The following BST1 variants were observed in gnomAD, a reference collection of about 807,000 sequenced individuals.
BST1 encodes ADP-ribosyl cyclase/cyclic ADP-ribose hydrolase 2.
BST1 carries 49 observed loss-of-function variants against 40.6 expected under a neutral mutation model. That is an observed-to-expected ratio of 1.21 (90% confidence interval 0.96 to 1.53). The LOEUF (loss-of-function observed/expected upper bound fraction) is 1.53, where lower values mean the gene tolerates loss of function less well. BST1 is among the 40% of genes most tolerant of loss of function. The pLI is 0.00. For synonymous variants in BST1, 157 were observed against 159.3 expected, an observed-to-expected ratio of 0.99 and a Z score of 0.11; for missense variants, 423 against 395.9, an observed-to-expected ratio of 1.07 and a Z score of -0.58.
At chr4:15,769,603 G>A in the BST1 span, among the ~76,000 whole-genome samples, 1 of 152,066 alleles carries the variant, frequency 6.6e-6, no homozygotes, top group Admixed American at 6.6e-5. Flanking sequence ...GTTTGGGAGA[G>A]GACATATGGC....
chr4:15,769,624 C>A, the BST1 span, among the ~76,000 whole-genome samples: 1 of 151,862 alleles, frequency 6.6e-6, no homozygotes, highest in African/African-American at 2.4e-5. Context: ...CTGGAAGGAG[C>A]CACGTATACA....
chr4:15,764,476 T>C, the BST1 span, among the ~76,000 whole-genome samples: 1 of 151,942 alleles, frequency 6.6e-6, no homozygotes, highest in Non-Finnish European at 1.5e-5. Context: ...TCCTAGGAAA[T>C]CAAGTAAACA....
chr4:15,757,634 T>TTTTA, the BST1 span, among the ~76,000 whole-genome samples: 1,254 of 152,102 alleles, frequency 8.2e-3, 12 homozygotes, highest in African/African-American at 0.027. Flanking sequence ...CTTTTAAAAA[T>TTTTA]TTTATTTATT....
At chr4:15,746,768 GCT>G in the BST1 span, among the ~76,000 whole-genome samples, 1 of 152,124 alleles carries the variant, frequency 6.6e-6, no homozygotes, top group Non-Finnish European at 1.5e-5. Flanking sequence ...TACTATAAAG[GCT>G]CTTACTCCAC....
At chr4:15,713,487 T>C (rs977288175) in intron 4 of BST1, among the ~76,000 whole-genome samples, 5 of 152,084 alleles carry the variant, frequency 3.3e-5, no homozygotes, top group Non-Finnish European at 7.4e-5. Flanking sequence ...CCTGGCCAAA[T>C]AGTTTCATCT....
downstream of BST1, chr4:15,736,162 C>T (rs760728714): frequency 7.9e-7 from 1 of 1,269,610 alleles, no homozygotes; most frequent in South Asian, 1.3e-5. Context: ...ATATCATTGC[C>T]TCCTGACTGA....
At chr4:15,767,794 T>A in the BST1 span, among the ~76,000 whole-genome samples, 4 of 151,968 alleles carry the variant, frequency 2.6e-5, no homozygotes, top group Non-Finnish European at 5.9e-5. Context: ...ATTTTTTTTT[T>A]ATTTTTAGTA....
rs1482742894 is a variant in BST1 at position 15,723,682 on chromosome 4, T to A, written c.851+748T>A. ...TATACTTTAAGCTGTTGTGCAAGTA[T>A]TTGTGTAGGATAGATTCCCAGAAAT... On this transcript the variant is annotated intron_variant, in intron 8 of 8. Transcript: ENST00000265016. 4 of 924,328 alleles carry A rather than the reference T, an allele frequency of 4.3e-6. No homozygotes were observed. In the African/African-American group the frequency reaches 7.1e-5, roughly 17 times the overall value. The allele number at this position is 924,328 out of a possible 1,614,324, so 57.3% of individuals were successfully genotyped here.
At chr4:15,739,905 G>A (rs187990561), downstream of BST1, among the ~76,000 whole-genome samples, 336 of 152,110 alleles carry the variant, frequency 2.2e-3, 1 homozygote, top group African/African-American at 7.8e-3. Context: ...GAGAGAAAAG[G>A]AGAGGGAGAC....
Position 15,703,428 on chromosome 4 carries a change from G to A in BST1, c.188+96G>A, listed in dbSNP as rs1021758619. 76 of 1,446,926 alleles carry A rather than the reference G, an allele frequency of 5.3e-5. No individual in the cohort carries two copies. The African/African-American group carries it at 9.9e-4, about 19-fold the overall frequency. 89.6% of individuals were successfully genotyped at this position (1,446,926 alleles called of 1,614,324 possible). On this transcript the variant is annotated intron_variant, in intron 1 of 8. Coordinates refer to ENST00000265016, the MANE Select transcript of BST1 (RefSeq NM_004334.3). ...ACTGGCGCTAAAGTTCGGGGTGAGGGGGCAATGAGAGAGGCCTTGAGGGGA... is the reference window on the plus strand; with the variant it reads ...ACTGGCGCTAAAGTTCGGGGTGAGGAGGCAATGAGAGAGGCCTTGAGGGGA...
chr4:15,754,526 G>C, the BST1 span, among the ~76,000 whole-genome samples: 1 of 152,178 alleles, frequency 6.6e-6, no homozygotes, highest in Non-Finnish European at 1.5e-5. Context: ...TGAGAGGAAG[G>C]ATGTTGCTGT....
rs1719961113 is a variant in BST1, at chr4:15,707,772, G to T, written c.451+126G>T. The T allele has an allele frequency of 4.3e-6, 5 of 1,164,410 alleles. No individual in the cohort carries two copies. In the African/African-American group the frequency reaches 6.3e-5, roughly 15 times the overall value. 72.1% of individuals were successfully genotyped at this position (1,164,410 alleles called of 1,614,324 possible). ...CTCTCCAAGTCCTCTGAGATAAGTGGCAAGAATAGTTAATAATAACAATAC... is the reference window on the plus strand; with the variant it reads ...CTCTCCAAGTCCTCTGAGATAAGTGTCAAGAATAGTTAATAATAACAATAC... On this transcript the variant is annotated intron_variant, in intron 3 of 8. Coordinates refer to ENST00000265016, the MANE Select transcript of BST1 (RefSeq NM_004334.3).
chr4:15,761,369 C>G, the BST1 span, among the ~76,000 whole-genome samples: 1 of 151,876 alleles, frequency 6.6e-6, no homozygotes, highest in Non-Finnish European at 1.5e-5. Flanking sequence ...GCCACCTTCT[C>G]ACTTGGAAAG....
intron 4 of BST1, 123 bp downstream of exon 4, chr4:15,712,012 T>G: frequency 1.3e-6 from 1 of 740,766 alleles, no homozygotes; most frequent in Non-Finnish European, 2.3e-6. Context: ...TTTCCACTTT[T>G]ACCACATCAT....
rs773037252 is a variant in BST1 at position 15,718,992 on chromosome 4, C to T, written c.790C>T (p.Arg264Ter). 1.1e-5 allele frequency: 18 copies of T among 1,612,670 alleles called. No homozygotes were observed. Among genetic ancestry groups the T allele is most frequent in the East Asian group, 4.5e-5 (2 of 44,832 alleles). The change falls in exon 7 of 9, where the codon CGA becomes TGA. Residue 264 changes from arginine (R) to a stop codon, truncating the protein, a stop_gained and splice_region_variant. Coordinates refer to ENST00000265016, the MANE Select transcript of BST1 (RefSeq NM_004334.3). LOFTEE classifies it high-confidence loss of function. ...GFQYSCINDY[R>*]PVKLLQCVDH... ...CCAGTACAGCTGTATTAATGATTAC[C>T]GGTAGGTGGCCTATATATCAATGTG...
At chr4:15,727,517 C>T (rs890050237) in intron 8 of BST1, among the ~76,000 whole-genome samples, 4 of 152,136 alleles carry the variant, frequency 2.6e-5, no homozygotes, top group Admixed American at 6.5e-5. Context: ...AGCAAATATA[C>T]AAAATTATTT....
At chr4:15,722,615 T>G (rs1198702938) in intron 7 of BST1, among the ~76,000 whole-genome samples, 2 of 134,998 alleles carry the variant, frequency 1.5e-5, no homozygotes, top group Non-Finnish European at 3.2e-5. Context: ...TTTTTTTTTG[T>G]AGAGCCAAGG....
chr4:15,757,105 T>C, the BST1 span, among the ~76,000 whole-genome samples: 1 of 152,210 alleles, frequency 6.6e-6, no homozygotes, highest in African/African-American at 2.4e-5. Context: ...GACAAACTTT[T>C]ATTCACCTTA....
chr4:15,757,827 A>T, the BST1 span, among the ~76,000 whole-genome samples: 1 of 152,052 alleles, frequency 6.6e-6, no homozygotes, highest in Non-Finnish European at 1.5e-5. Context: ...TTTTTAGTAG[A>T]GACAGGGTTT....
Sources: allele counts gnomAD v4.1 joint callset (sites outside exome capture counted in the v4.1 genomes callset), GRCh38; gene constraint gnomAD v4.1.1; transcripts MANE v1.5; gene names NCBI Gene and HGNC (gene_info 2026-07-23, HGNC 2026-07-21).